Variants in IPO11 observed in about 807,000 individuals in gnomAD.
IPO11 encodes the protein importin 11, also known as importin-11.
In IPO11, 66 loss-of-function variants were observed where a neutral mutation model predicts 143.2. The observed-to-expected ratio is 0.46, with a 90% CI of 0.38 to 0.57. IPO11 has a LOEUF of 0.57. Ranked by LOEUF, IPO11 falls within the 20% of genes least tolerant of loss-of-function variation. IPO11 has a pLI of 0.00. For missense variants in IPO11, 1,026 were observed against 1,141.0 expected, an observed-to-expected ratio of 0.90 and a Z score of 1.45; for synonymous variants, 385 against 377.8, an observed-to-expected ratio of 1.02 and a Z score of -0.22.
rs184956729 is a variant in IPO11 at position 62,552,482 on chromosome 5, T to C, written c.2460+1146T>C. On this transcript the variant is annotated intron_variant, in intron 26 of 29. Transcript: ENST00000325324. Reference sequence around the variant, plus strand: ...TAATATATATTTTTTAGTTTTTTTTTTTTTTTTAAAGTAGAGATGAGGTCT... The same window carrying C: ...TAATATATATTTTTTAGTTTTTTTTCTTTTTTTAAAGTAGAGATGAGGTCT... Among the ~76,000 whole-genome samples, 542 of 151,286 alleles carry C rather than the reference T, an allele frequency of 3.6e-3. 4 individuals are homozygous for C. Among genetic ancestry groups the C allele is most frequent in the African/African-American group, 0.013 (529 of 41,424 alleles).
chr5:62,442,708 C>T (rs1187294098), intron 2 of IPO11, among the ~76,000 whole-genome samples: 1 of 151,602 alleles, frequency 6.6e-6, no homozygotes, highest in East Asian at 1.9e-4. Context: ...AAAAAAAATA[C>T]AAAAAATTAG....
At chr5:62,608,020 T>C (rs1484678994) in intron 29 of IPO11, among the ~76,000 whole-genome samples, 1 of 152,158 alleles carries the variant, frequency 6.6e-6, no homozygotes, top group Non-Finnish European at 1.5e-5. Context: ...GGTTTCACCA[T>C]GTTGGCCAGG....
intron 16 of IPO11, among the ~76,000 whole-genome samples, chr5:62,502,749 C>T (rs993803520): frequency 2.6e-5 from 4 of 152,012 alleles, no homozygotes; most frequent in Admixed American, 6.6e-5. Flanking sequence ...GGAGGAAAGT[C>T]GAGAGAATTA....
At chr5:62,478,847 C>G (rs1332390763) in intron 9 of IPO11, among the ~76,000 whole-genome samples, 1 of 152,072 alleles carries the variant, frequency 6.6e-6, no homozygotes, top group Admixed American at 6.6e-5. Context: ...GGGGATAGGG[C>G]AGGGATGGCA....
At position 62,601,610 on chromosome 5, in the gene IPO11, GTTAAATT is replaced by G. The variant is rs559154602; in HGVS notation, c.2679-146_2679-140del. Among the ~76,000 whole-genome samples, 376 of 151,992 alleles carry G rather than the reference GTTAAATT, an allele frequency of 2.5e-3. 1 individual carries two copies. The highest frequency in any genetic ancestry group is 8.6e-3 in the African/African-American group (355 of 41,488). On this transcript the variant is annotated intron_variant, in intron 28 of 29. Coordinates refer to ENST00000325324, the MANE Select transcript of IPO11 (RefSeq NM_016338.5). Reference sequence around the variant, plus strand: ...TATCTTTTCATAATTCAAAAATTTTGTTAAATTTTAAATTATCTAGTCTTTTTCTCAC... The same window carrying G: ...TATCTTTTCATAATTCAAAAATTTTGTTAAATTATCTAGTCTTTTTCTCAC...
chr5:62,514,734 CA>C (rs1741945573), intron 19 of IPO11, among the ~76,000 whole-genome samples: 1 of 152,234 alleles, frequency 6.6e-6, no homozygotes, highest in Non-Finnish European at 1.5e-5. Flanking sequence ...AAACGCTGTC[CA>C]GCATCATTGT....
At chr5:62,550,776 C>T (rs1009707509) in intron 25 of IPO11, among the ~76,000 whole-genome samples, 1 of 151,846 alleles carries the variant, frequency 6.6e-6, no homozygotes, top group African/African-American at 2.4e-5. Flanking sequence ...TATTAATGTT[C>T]TTATAGACTG....
intron 2 of IPO11, among the ~76,000 whole-genome samples, chr5:62,442,222 A>T (rs886949218): frequency 6.6e-6 from 1 of 151,966 alleles, no homozygotes; most frequent in African/African-American, 2.4e-5. Flanking sequence ...GCATGTATTA[A>T]CCCCGGGGCC....
At chr5:62,595,888 A>G (rs879485245) in intron 28 of IPO11, among the ~76,000 whole-genome samples, 2 of 151,830 alleles carry the variant, frequency 1.3e-5, no homozygotes, top group Non-Finnish European at 2.9e-5. Flanking sequence ...ATTTCCTTCA[A>G]TAATATTTTT....
chr5:62,594,948 A>G (rs766833944), intron 28 of IPO11, among the ~76,000 whole-genome samples: 3 of 152,228 alleles, frequency 2.0e-5, no homozygotes, highest in South Asian at 2.1e-4. Flanking sequence ...TCTGTAGTCA[A>G]TGGAGGTCTC....
At chr5:62,621,309 G>A (rs1337893089) in intron 29 of IPO11, among the ~76,000 whole-genome samples, 2 of 152,164 alleles carry the variant, frequency 1.3e-5, no homozygotes, top group East Asian at 1.9e-4. Flanking sequence ...TTTGAAGGGC[G>A]AGGGGGAACA....
intron 22 of IPO11, among the ~76,000 whole-genome samples, chr5:62,531,418 C>A (rs537445258): frequency 2.1e-4 from 32 of 152,082 alleles, no homozygotes; most frequent in Admixed American, 3.9e-4. Context: ...CTTGTGGCAA[C>A]CTCCCAGGTT....
At chr5:62,570,069 T>G (rs770836051) in intron 27 of IPO11, among the ~76,000 whole-genome samples, 1 of 152,218 alleles carries the variant, frequency 6.6e-6, no homozygotes, top group Non-Finnish European at 1.5e-5. Flanking sequence ...AATTGGCTAA[T>G]AATTATAAGC....
intron 2 of IPO11, among the ~76,000 whole-genome samples, chr5:62,438,425 G>T (rs1050292101): frequency 6.6e-6 from 1 of 152,140 alleles, no homozygotes; most frequent in Non-Finnish European, 1.5e-5. Context: ...CATCATGTTT[G>T]TAAATTTTAG....
intron 27 of IPO11, among the ~76,000 whole-genome samples, chr5:62,566,542 G>A (rs1025313603): frequency 2.2e-4 from 34 of 151,868 alleles, no homozygotes; most frequent in African/African-American, 7.7e-4. Flanking sequence ...AGACCAACCC[G>A]GGCAACACGG....
At chr5:62,443,460 C>G (rs1027084059) in intron 3 of IPO11, among the ~76,000 whole-genome samples, 2 of 149,824 alleles carry the variant, frequency 1.3e-5, no homozygotes, top group East Asian at 3.9e-4. Context: ...CCTCTGCTTG[C>G]AAGGATCATG....
At chr5:62,496,186 G>A (rs1022161329) in intron 16 of IPO11, among the ~76,000 whole-genome samples, 2 of 152,024 alleles carry the variant, frequency 1.3e-5, no homozygotes, top group Admixed American at 6.5e-5. Context: ...TACTTGGGAG[G>A]CCGAGGCAGG....
At chr5:62,476,950 C>G (rs1011783106) in intron 9 of IPO11, among the ~76,000 whole-genome samples, 197 bp downstream of exon 9, 1 of 152,096 alleles carries the variant, frequency 6.6e-6, no homozygotes, top group Non-Finnish European at 1.5e-5. Flanking sequence ...TACCATGTGT[C>G]ATAGTGTAAG....
At chr5:62,534,584 G>C (rs1488583490) in intron 22 of IPO11, among the ~76,000 whole-genome samples, 1 of 152,118 alleles carries the variant, frequency 6.6e-6, no homozygotes, top group Non-Finnish European at 1.5e-5. Context: ...TTATATACAG[G>C]TTTACCTTAG....
Sources: allele counts gnomAD v4.1 joint callset (sites outside exome capture counted in the v4.1 genomes callset), GRCh38; gene constraint gnomAD v4.1.1; transcripts MANE v1.5; gene names NCBI Gene and HGNC (gene_info 2026-07-23, HGNC 2026-07-21).